Variants in CD276 observed in about 807,000 individuals in gnomAD.
The protein encoded by CD276 is CD276 molecule.
In CD276, 34 loss-of-function variants were observed where a neutral mutation model predicts 50.0. That is an observed-to-expected ratio of 0.68 (90% confidence interval 0.52 to 0.91). The LOEUF (loss-of-function observed/expected upper bound fraction) is 0.91. CD276 is among the 40% of genes least tolerant of loss of function. The pLI is 0.00. For missense variants in CD276, 634 were observed against 717.5 expected (o/e 0.88, Z 1.33); for synonymous variants, 275 against 313.0 (o/e 0.88, Z 1.28).
intron 1 of CD276, among the ~76,000 whole-genome samples, chr15:73,695,221 C>T (rs1178763190): frequency 6.6e-6 from 1 of 152,118 alleles, no homozygotes; most frequent in African/African-American, 2.4e-5. Context: ...AGAGAAGTTG[C>T]CTAGTTAAGA....
chr15:73,701,783 A>AG (rs1160261014), intron 2 of CD276, among the ~76,000 whole-genome samples: 1 of 151,934 alleles, frequency 6.6e-6, no homozygotes, highest in East Asian at 1.9e-4. Flanking sequence ...CCTCCAGAGA[A>AG]ACCACTATTG....
Position 73,703,722 on chromosome 15 carries a change from T to C in CD276, c.797T>C (p.Leu266Pro), listed in dbSNP as rs541042125. Residue 266 changes from leucine to proline, a missense_variant, in exon 5 of 10, where the codon CTG becomes CCG. Physicochemically the swap from Leu to Pro is moderately conservative, Grantham distance 98. Coordinates refer to ENST00000318443, the MANE Select transcript of CD276 (RefSeq NM_001024736.2). ...VVALVGTDAT[L>P]RCSFSPEPGF... ...GCCCTAGTGGGCACCGATGCCACCCTGCGCTGCTCCTTCTCCCCCGAGCCT... is the reference window on the plus strand; with the variant it reads ...GCCCTAGTGGGCACCGATGCCACCCCGCGCTGCTCCTTCTCCCCCGAGCCT... 1 of 1,613,314 alleles carries C rather than the reference T, an allele frequency of 6.2e-7. No individual in the cohort carries two copies. The highest frequency in any genetic ancestry group is 2.2e-5 in the East Asian group (1 of 44,856).
At position 73,713,292 on chromosome 15, in the gene CD276, C is replaced by T; in HGVS notation, c.*336C>T. On this transcript the variant is annotated 3_prime_UTR_variant, in exon 10 of 10. Transcript: ENST00000318443. ...ACATCACCACCCTCTTCTTCCAGTG[C>T]TGCGTGGACCATCTGGCTGCCTTTT... The T allele has an allele frequency of 2.9e-6, 1 of 340,576 alleles. No homozygotes were observed. Among genetic ancestry groups the T allele is most frequent in the South Asian group, 4.5e-5 (1 of 22,368 alleles). The allele number at this position is 340,576 out of a possible 1,614,324, so 21.1% of individuals were successfully genotyped here. A position where few individuals can be genotyped will look rare whatever the true frequency, so the allele number is the denominator to read the frequency against.
chr15:73,698,662 G>C (rs1007582738), intron 1 of CD276, among the ~76,000 whole-genome samples: 1 of 152,178 alleles, frequency 6.6e-6, no homozygotes, highest in African/African-American at 2.4e-5. Flanking sequence ...CTGGGTTCTA[G>C]CAATTCTCCT....
At chr15:73,705,755 T>C (rs1327291579) in intron 6 of CD276, among the ~76,000 whole-genome samples, 1 of 152,008 alleles carries the variant, frequency 6.6e-6, no homozygotes, top group Admixed American at 6.6e-5. Context: ...TGAGGACACC[T>C]CCAGGGGCAA....
chr15:73,711,860 A>C (rs891336435), intron 9 of CD276: 1 of 152,388 alleles, frequency 6.6e-6, no homozygotes, highest in Admixed American at 6.5e-5. Flanking sequence ...TGGAGATAAA[A>C]AGTGTCAGCT....
At chr15:73,706,441 T>C (rs1900654324) in intron 6 of CD276, among the ~76,000 whole-genome samples, 1 of 150,678 alleles carries the variant, frequency 6.6e-6, no homozygotes, top group African/African-American at 2.4e-5. Context: ...TGCAGCAGTT[T>C]GCACATAACT....
chr15:73,708,547 C>CA, intron 7 of CD276, 74 bp downstream of exon 7: 1 of 1,500,034 alleles, frequency 6.7e-7, no homozygotes, highest in Non-Finnish European at 9.0e-7. Context: ...TCTTTGATGT[C>CA]AATAGAGTGT....
At chr15:73,694,802 C>T (rs1036039295) in intron 1 of CD276, among the ~76,000 whole-genome samples, 9 of 152,176 alleles carry the variant, frequency 5.9e-5, no homozygotes, top group African/African-American at 1.4e-4. Context: ...GATCTGCAGT[C>T]GTTAGCTGAG....
chr15:73,694,975 G>A lies in CD276; in HGVS notation c.-54-4611G>A, dbSNP rs539542152. On this transcript the variant is annotated intron_variant, in intron 1 of 9. Transcript: ENST00000318443. ...CTGATTGCACCACTGAACTATGATG[G>A]TACCACTCCAGCCTGGGTGACAGAG... Among the ~76,000 whole-genome samples, 26 of 152,244 alleles carry A rather than the reference G, an allele frequency of 1.7e-4. No individual in the cohort carries two copies. In the South Asian group the frequency reaches 5.4e-3, roughly 32 times the overall value.
Position 73,687,060 on chromosome 15 carries a change from G to A in CD276, c.-55+2600G>A, listed in dbSNP as rs996362876. On this transcript the variant is annotated intron_variant, in intron 1 of 9. Coordinates refer to ENST00000318443, the MANE Select transcript of CD276 (RefSeq NM_001024736.2). This position sits in a 1 kb window ranked among gnomAD's most constrained non-coding sequence, Gnocchi z 4.0. ...GGGAGGGGGAGAGGGGTGAGGACTG[G>A]TCCACATGATTTTTGAGAAATTGCC... Among the ~76,000 whole-genome samples, 3 of 152,112 alleles carry A rather than the reference G, an allele frequency of 2.0e-5. No homozygotes were observed. The highest frequency in any genetic ancestry group is 4.8e-5 in the African/African-American group (2 of 41,406).
In CD276 at chr15:73,703,998, G is replaced by C; in HGVS notation, c.1072+1G>C. 6.2e-7 allele frequency: 1 copy of C among 1,607,598 alleles called. No individual in the cohort carries two copies. The highest frequency in any genetic ancestry group is 2.2e-5 in the East Asian group (1 of 44,792). ...GCTGCCGTCAGCCTGCAGGTGGCCGGTGAGCACCAGGAGGGCGACGCCTTC... is the reference window on the plus strand; with the variant it reads ...GCTGCCGTCAGCCTGCAGGTGGCCGCTGAGCACCAGGAGGGCGACGCCTTC... On this transcript the variant is annotated splice_donor_variant, in intron 5 of 9. Transcript: ENST00000318443. LOFTEE classifies it high-confidence loss of function.
chr15:73,701,988 GTC>G (rs1378459277), intron 2 of CD276, among the ~76,000 whole-genome samples: 1 of 152,322 alleles, frequency 6.6e-6, no homozygotes, highest in East Asian at 1.9e-4. Flanking sequence ...GTGCCCATTT[GTC>G]TCTCTCTCCC....
chr15:73,709,830 C>CG, intron 8 of CD276, 141 bp downstream of exon 8: 1 of 750,278 alleles, frequency 1.3e-6, no homozygotes, highest in Non-Finnish European at 2.1e-6. Flanking sequence ...CTCCCCACCC[C>CG]GGTGAGTCTG....
In CD276 at chr15:73,696,034, C is replaced by T. The variant is rs538712968; in HGVS notation, c.-54-3552C>T. On this transcript the variant is annotated intron_variant, in intron 1 of 9. Coordinates refer to ENST00000318443, the MANE Select transcript of CD276 (RefSeq NM_001024736.2). ...ACATCTTGGGTCATCTCTTGGGAGC[C>T]TCCCTGTGGCCCTGCTTCTGCAGGG... is the stretch of plus-strand genomic sequence containing the variant. Among the ~76,000 whole-genome samples, 11 of 152,352 alleles carry T rather than the reference C, an allele frequency of 7.2e-5. No homozygotes were observed. In the South Asian group the frequency reaches 8.3e-4, roughly 11 times the overall value.
At chr15:73,688,437 C>G (rs1191597059) in intron 1 of CD276, among the ~76,000 whole-genome samples, 1 of 152,088 alleles carries the variant, frequency 6.6e-6, no homozygotes, top group Non-Finnish European at 1.5e-5. Flanking sequence ...GGAATTGGGT[C>G]TCAAATAGGT....
chr15:73,707,916 G>A (rs1900711047), intron 6 of CD276, among the ~76,000 whole-genome samples: 1 of 152,236 alleles, frequency 6.6e-6, no homozygotes, highest in South Asian at 2.1e-4. Context: ...AGGCTGGAAG[G>A]AGCCAGTTGC....
intron 7 of CD276, among the ~76,000 whole-genome samples, chr15:73,709,360 C>T (rs1414400173): frequency 6.6e-6 from 1 of 150,902 alleles, no homozygotes; most frequent in African/African-American, 2.4e-5. Context: ...GTGGTGCACT[C>T]CAGGCTGGGT....
rs780405407 is a variant in CD276 at position 73,712,960 on chromosome 15, T to C, written c.*4T>C. The stretch of plus-strand genomic sequence containing the variant: ...TGATGGACAAGAAATAGCCTGACCA[T>C]GAGGACCAGGGAGCTGCTACCCCTC... On this transcript the variant is annotated 3_prime_UTR_variant, in exon 10 of 10. Coordinates refer to ENST00000318443, the MANE Select transcript of CD276 (RefSeq NM_001024736.2). 2 of 1,613,884 alleles carry C rather than the reference T, an allele frequency of 1.2e-6. No homozygotes were observed. The highest frequency in any genetic ancestry group is 3.3e-5 in the Admixed American group (2 of 60,000).
Sources: allele counts gnomAD v4.1 joint callset (sites outside exome capture counted in the v4.1 genomes callset), GRCh38; gene constraint gnomAD v4.1.1; non-coding constraint Gnocchi (gnomAD v3.1); transcripts MANE v1.5; gene names NCBI Gene and HGNC (gene_info 2026-07-23, HGNC 2026-07-21).